The following GABRB1 variants were observed in gnomAD, a reference collection of about 807,000 sequenced individuals.
GABRB1 encodes the protein gamma-aminobutyric acid type A receptor subunit beta1.
In GABRB1, 17 loss-of-function variants were observed where a neutral mutation model predicts 51.6. The ratio of observed to expected loss-of-function variants is 0.33; its 90% confidence interval spans 0.23 to 0.49. The LOEUF is 0.49. GABRB1 is among the 20% of genes least tolerant of loss of function. The pLI, the probability that GABRB1 is intolerant of heterozygous loss-of-function variation, is 0.99. For missense variants in GABRB1, 410 were observed against 600.6 expected (o/e 0.68, Z 3.32); for synonymous variants, 247 against 218.9 (o/e 1.13, Z -1.14).
At chr4:47,056,559 A>T (rs541131860) in intron 3 of GABRB1, among the ~76,000 whole-genome samples, 1 of 152,326 alleles carries the variant, frequency 6.6e-6, no homozygotes, top group African/African-American at 2.4e-5. Context: ...AGTGAGAAGC[A>T]AAACCAGAGA....
chr4:47,116,395 A>G (rs1371803668), intron 3 of GABRB1, among the ~76,000 whole-genome samples: 1 of 152,180 alleles, frequency 6.6e-6, no homozygotes, highest in Non-Finnish European at 1.5e-5. Context: ...CCAGTGCTCA[A>G]CCTGGTGGCA....
rs528909498 is a variant in GABRB1 at position 47,343,929 on chromosome 4, T to G, written c.544+23720T>G. ...CACATCTAGTTAATGTCAAAGACCT[T>G]GAACTCATGCCTTTCTGACTTAAAA... On this transcript the variant is annotated intron_variant, in intron 5 of 8. Coordinates refer to ENST00000295454, the MANE Select transcript of GABRB1 (RefSeq NM_000812.4). 2.5e-4 allele frequency among the ~76,000 whole-genome samples: 38 copies of G among 152,336 alleles called. No individual in the cohort carries two copies. In the East Asian group the frequency reaches 6.9e-3, roughly 28 times the overall value.
intron 4 of GABRB1, among the ~76,000 whole-genome samples, chr4:47,318,918 T>C (rs886254162): frequency 6.6e-6 from 1 of 152,126 alleles, no homozygotes; most frequent in Admixed American, 6.5e-5. Flanking sequence ...GAGCTACAAT[T>C]TGAAATTTTC....
chr4:47,119,434 A>G (rs1233554009), intron 3 of GABRB1, among the ~76,000 whole-genome samples: 1 of 151,882 alleles, frequency 6.6e-6, no homozygotes. Context: ...TTAAAATAAA[A>G]CCTCCTTCAA....
intron 1 of GABRB1, among the ~76,000 whole-genome samples, chr4:47,025,761 T>A (rs943870431): frequency 1.3e-5 from 2 of 151,984 alleles, no homozygotes; most frequent in African/African-American, 4.8e-5. Context: ...TTGTCTTGCT[T>A]AGCTATAAAT....
intron 4 of GABRB1, among the ~76,000 whole-genome samples, chr4:47,295,179 G>A (rs1240894369): frequency 6.6e-6 from 1 of 152,154 alleles, no homozygotes; most frequent in Non-Finnish European, 1.5e-5. Context: ...AGAAAAACTG[G>A]AAACTCTAAA....
chr4:47,074,301 G>C (rs1278801697), intron 3 of GABRB1, among the ~76,000 whole-genome samples: 1 of 152,164 alleles, frequency 6.6e-6, no homozygotes, highest in Non-Finnish European at 1.5e-5. Flanking sequence ...GTATCTAAGA[G>C]TGACGTACAG....
intron 4 of GABRB1, among the ~76,000 whole-genome samples, chr4:47,228,625 C>T (rs1330949560): frequency 6.6e-6 from 1 of 151,986 alleles, no homozygotes; most frequent in African/African-American, 2.4e-5. Context: ...TTACCAAAGT[C>T]TCCAACATAG....
chr4:46,998,616 C>A (rs1724078744), intron 1 of GABRB1, among the ~76,000 whole-genome samples: 1 of 151,586 alleles, frequency 6.6e-6, no homozygotes, highest in Non-Finnish European at 1.5e-5. Flanking sequence ...AGCCTGTAGT[C>A]CCAGCTACTC....
At chr4:47,195,506 G>C (rs567822995) in intron 4 of GABRB1, among the ~76,000 whole-genome samples, 2 of 148,888 alleles carry the variant, frequency 1.3e-5, no homozygotes, top group East Asian at 4.0e-4. Flanking sequence ...TAGATAGATA[G>C]AATAAAATAA....
Position 47,403,308 on chromosome 4 carries a change from TTGG to T in GABRB1, c.545-8_545-6del. ...ACTTTGTTTAACCGTGCTGTTTTTA[TTGG>T]TTTCAGATGGCTATACCACTGATGA... is the stretch of plus-strand genomic sequence containing the variant. On this transcript the variant is annotated splice_polypyrimidine_tract_variant and splice_region_variant and intron_variant, in intron 5 of 8. Coordinates refer to ENST00000295454, the MANE Select transcript of GABRB1 (RefSeq NM_000812.4). 6.2e-7 allele frequency: 1 copy of T among 1,613,342 alleles called. No individual in the cohort carries two copies. The highest frequency in any genetic ancestry group is 8.5e-7 in the Non-Finnish European group (1 of 1,179,644).
At chr4:47,115,985 G>A (rs141951298) in intron 3 of GABRB1, among the ~76,000 whole-genome samples, 3 of 152,148 alleles carry the variant, frequency 2.0e-5, no homozygotes, top group African/African-American at 7.2e-5. Context: ...TCTTCGCCAA[G>A]GACAACCTCA....
chr4:47,225,482 T>C (rs759589299), intron 4 of GABRB1, among the ~76,000 whole-genome samples: 10 of 152,160 alleles, frequency 6.6e-5, no homozygotes, highest in Non-Finnish European at 1.2e-4. Flanking sequence ...AGAGCTGTTT[T>C]CTCCTATTTT....
At chr4:47,138,365 A>G (rs1378188335) in intron 3 of GABRB1, among the ~76,000 whole-genome samples, 2 of 152,032 alleles carry the variant, frequency 1.3e-5, no homozygotes. Flanking sequence ...ATTTGTCCAG[A>G]ACCCCTTGTT....
At chr4:47,085,324 T>A (rs1728014484) in intron 3 of GABRB1, among the ~76,000 whole-genome samples, 1 of 152,220 alleles carries the variant, frequency 6.6e-6, no homozygotes, top group African/African-American at 2.4e-5. Context: ...AGTACATGTG[T>A]TATTCTACTT....
chr4:47,141,083 G>GT (rs200370058), intron 3 of GABRB1, among the ~76,000 whole-genome samples: 3 of 151,556 alleles, frequency 2.0e-5, no homozygotes, highest in South Asian at 2.1e-4. Flanking sequence ...GTGTACAACA[G>GT]TTTTTTTTAA....
At chr4:47,339,803 T>C (rs544334289) in intron 5 of GABRB1, among the ~76,000 whole-genome samples, 34 of 140,126 alleles carry the variant, frequency 2.4e-4, no homozygotes, top group Admixed American at 1.2e-3. Flanking sequence ...GTTGTTTTCA[T>C]AGAGCAAAAA....
chr4:47,073,984 T>C (rs181235277), intron 3 of GABRB1, among the ~76,000 whole-genome samples: 193 of 152,324 alleles, frequency 1.3e-3, no homozygotes, highest in African/African-American at 4.4e-3. Context: ...CTGTATTTTC[T>C]CTTTGGAAAT....
intron 4 of GABRB1, among the ~76,000 whole-genome samples, chr4:47,301,648 A>G (rs1724267293): frequency 6.7e-6 from 1 of 149,388 alleles, no homozygotes; most frequent in Admixed American, 6.7e-5. Context: ...AAAAAAAAAC[A>G]TTTCAATTAA....
Sources: allele counts gnomAD v4.1 joint callset (sites outside exome capture counted in the v4.1 genomes callset), GRCh38; gene constraint gnomAD v4.1.1; transcripts MANE v1.5; gene names NCBI Gene and HGNC (gene_info 2026-07-23, HGNC 2026-07-21).